The following IGSF21 variants were observed in gnomAD, a reference collection of about 807,000 sequenced individuals.
IGSF21 encodes immunoglobulin superfamily member 21.
In IGSF21, 28 loss-of-function variants were observed where a neutral mutation model predicts 46.8. The observed-to-expected ratio is 0.60, with a 90% CI of 0.44 to 0.82. The LOEUF is 0.82. Among genes scored for constraint, IGSF21 ranks in the 40% least tolerant of loss-of-function variants. The pLI is 0.00. For missense variants in IGSF21, 624 were observed against 665.5 expected, an observed-to-expected ratio of 0.94 and a Z score of 0.69; for synonymous variants, 284 against 273.6, an observed-to-expected ratio of 1.04 and a Z score of -0.38.
At chr1:18,199,114 T>G (rs1473854801) in intron 1 of IGSF21, among the ~76,000 whole-genome samples, 1 of 151,992 alleles carries the variant, frequency 6.6e-6, no homozygotes, top group Non-Finnish European at 1.5e-5. Context: ...AGCAAACTTT[T>G]AAAAAATACT....
intron 1 of IGSF21, among the ~76,000 whole-genome samples, chr1:18,199,603 G>C (rs1468150219): frequency 6.6e-6 from 1 of 152,094 alleles, no homozygotes; most frequent in Admixed American, 6.5e-5. Flanking sequence ...GTGCGTGATG[G>C]GAAGCTGTGC....
rs562780101 is a variant in IGSF21 at position 18,372,822 on chromosome 1, TTGGA to T, written c.1016-3448_1016-3445del. 3.4e-3 allele frequency among the ~76,000 whole-genome samples: 378 copies of T among 110,578 alleles called. 1 individual carries two copies. Among genetic ancestry groups the T allele is most frequent in the South Asian group, 0.016 (53 of 3,264 alleles). 72.5% of individuals were successfully genotyped at this position (110,578 alleles called of 152,430 possible). A position where few individuals can be genotyped will look rare whatever the true frequency, so the allele number is the denominator to read the frequency against. ...GATGGATGTTTGGAAGGATGGATAT[TTGGA>T]TGGATGGATGGATGGATGGATGGAT... On this transcript the variant is annotated intron_variant, in intron 6 of 9. Coordinates refer to ENST00000251296, the MANE Select transcript of IGSF21 (RefSeq NM_032880.5).
chr1:18,193,966 A>G (rs372274805), intron 1 of IGSF21, among the ~76,000 whole-genome samples: 26 of 152,174 alleles, frequency 1.7e-4, no homozygotes, highest in African/African-American at 6.3e-4. Flanking sequence ...GGAATCAGAA[A>G]AGGGTTGGAC....
At chr1:18,324,660 G>C (rs2085640461) in intron 3 of IGSF21, among the ~76,000 whole-genome samples, 1 of 152,204 alleles carries the variant, frequency 6.6e-6, no homozygotes, top group Non-Finnish European at 1.5e-5. Context: ...TAAAGGAATG[G>C]AGCTTCTCCA....
At chr1:18,311,208 T>C (rs1313048782) in intron 3 of IGSF21, among the ~76,000 whole-genome samples, 1 of 152,092 alleles carries the variant, frequency 6.6e-6, no homozygotes, top group Non-Finnish European at 1.5e-5. Flanking sequence ...TGTCCCCCAC[T>C]CTTGACCCAG....
intron 2 of IGSF21, among the ~76,000 whole-genome samples, chr1:18,285,011 G>A (rs1163727368): frequency 4.6e-5 from 7 of 152,256 alleles, no homozygotes; most frequent in South Asian, 4.2e-4. Context: ...TTAAACAGCC[G>A]GCAAAATACA....
intron 1 of IGSF21, among the ~76,000 whole-genome samples, chr1:18,144,553 G>A (rs2086448639): frequency 6.6e-6 from 1 of 152,132 alleles, no homozygotes; most frequent in South Asian, 2.1e-4. Flanking sequence ...CCCTCTGGAA[G>A]CACCTAGGTC....
chr1:18,199,892 GC>G (rs947031193), intron 1 of IGSF21, among the ~76,000 whole-genome samples: 184 of 146,346 alleles, frequency 1.3e-3, no homozygotes, highest in Middle Eastern at 3.5e-3. Context: ...GCTGCTCCCG[GC>G]CCCCCCCTAC....
intron 2 of IGSF21, among the ~76,000 whole-genome samples, chr1:18,252,763 C>T (rs1275916413): frequency 3.9e-5 from 6 of 152,036 alleles, no homozygotes; most frequent in African/African-American, 4.8e-5. Context: ...ATACGGGGGC[C>T]GGGGGTACAA....
intron 3 of IGSF21, among the ~76,000 whole-genome samples, chr1:18,311,286 C>T (rs552187605): frequency 6.6e-6 from 1 of 152,306 alleles, no homozygotes; most frequent in African/African-American, 2.4e-5. Context: ...ATTGCAGAAG[C>T]AGCACCTGCC....
At chr1:18,310,179 A>T (rs2085475490) in intron 3 of IGSF21, among the ~76,000 whole-genome samples, 1 of 152,098 alleles carries the variant, frequency 6.6e-6, no homozygotes, top group African/African-American at 2.4e-5. Context: ...AATCCCTACC[A>T]ATTTATTTTC....
At chr1:18,258,235 C>T (rs2124533919) in intron 2 of IGSF21, among the ~76,000 whole-genome samples, 1 of 152,246 alleles carries the variant, frequency 6.6e-6, no homozygotes, top group South Asian at 2.1e-4. Context: ...GTTGCTCTCT[C>T]CAAGATCTCT....
At position 18,287,999 on chromosome 1, in the gene IGSF21, G is replaced by T. The variant is rs115263712; in HGVS notation, c.184-3867G>T. 9.9e-3 allele frequency among the ~76,000 whole-genome samples: 1,504 copies of T among 152,226 alleles called. 5 individuals carry two copies. Among genetic ancestry groups the T allele is most frequent in the Non-Finnish European group, 0.014 (985 of 68,016 alleles). On this transcript the variant is annotated intron_variant, in intron 2 of 9. Transcript: ENST00000251296. The stretch of plus-strand genomic sequence containing the variant: ...ATGGTCCAGAAAGGTGTGAGTGCTC[G>T]TGAAAATACCCCATGAGTGAGCACT...
At chr1:18,305,488 T>TGACG (rs1553162223) in intron 3 of IGSF21, among the ~76,000 whole-genome samples, 1,489 of 50,412 alleles carry the variant, frequency 0.03, 41 homozygotes, top group African/African-American at 0.053. Context: ...GATGGATGGA[T>TGACG]GATGGATGGA....
At chr1:18,230,066 C>T (rs866743122) in intron 2 of IGSF21, among the ~76,000 whole-genome samples, 6 of 152,220 alleles carry the variant, frequency 3.9e-5, no homozygotes, top group Admixed American at 2.0e-4. Context: ...GGTTTGAAAT[C>T]GAATGTTACC....
intron 1 of IGSF21, among the ~76,000 whole-genome samples, chr1:18,204,682 A>C (rs1262966054): frequency 2.6e-5 from 4 of 152,174 alleles, no homozygotes; most frequent in Non-Finnish European, 5.9e-5. Context: ...CCCTTGGAGC[A>C]TGACAGCTGG....
intron 2 of IGSF21, among the ~76,000 whole-genome samples, chr1:18,285,068 G>A (rs961747986): frequency 1.2e-4 from 19 of 152,288 alleles, no homozygotes; most frequent in African/African-American, 3.8e-4. Flanking sequence ...CAGCCGTGGC[G>A]GGATTGGCCC....
At chr1:18,173,790 A>T (rs184823490) in intron 1 of IGSF21, among the ~76,000 whole-genome samples, 11 of 152,292 alleles carry the variant, frequency 7.2e-5, no homozygotes, top group African/African-American at 2.4e-4. Context: ...GTCTCACTCT[A>T]TCGCCCAGGC....
At chr1:18,332,143 G>A (rs1429614982) in intron 3 of IGSF21, among the ~76,000 whole-genome samples, 2 of 152,248 alleles carry the variant, frequency 1.3e-5, no homozygotes, top group Non-Finnish European at 2.9e-5. Flanking sequence ...ACCTGAGCAT[G>A]TCATCAGGGT....
Sources: gnomAD v4.1 joint callset for allele counts (sites outside exome capture counted in the v4.1 genomes callset) on GRCh38, gnomAD v4.1.1 for gene constraint, MANE v1.5 for transcripts, NCBI Gene and HGNC (gene_info 2026-07-23, HGNC 2026-07-21) for gene names.